The following TRPM3 variants were observed in gnomAD, a reference collection of about 807,000 sequenced individuals.
TRPM3 encodes transient receptor potential cation channel subfamily M member 3.
A neutral mutation model predicts 181.2 loss-of-function variants in TRPM3; 77 were observed. The ratio of observed to expected loss-of-function variants is 0.42; its 90% CI spans 0.35 to 0.51. The LOEUF (loss-of-function observed/expected upper bound fraction) is 0.51. Among genes scored for constraint, TRPM3 ranks in the 20% least tolerant of loss-of-function variants. The pLI is 0.01. For missense variants in TRPM3, 1,759 were observed against 2,196.7 expected (o/e 0.80, Z 3.98); for synonymous variants, 745 against 796.4 (o/e 0.94, Z 1.09).
chr9:71,328,000 G>A (rs113241107), intron 1 of TRPM3, among the ~76,000 whole-genome samples: 2,215 of 151,574 alleles, frequency 0.015, 24 homozygotes, highest in Middle Eastern at 0.062. Context: ...ACTGTTCTCT[G>A]GATATCAAAG....
intron 1 of TRPM3, among the ~76,000 whole-genome samples, chr9:71,410,312 T>C (rs2093521005): frequency 6.6e-6 from 1 of 151,316 alleles, no homozygotes; most frequent in Non-Finnish European, 1.5e-5. Flanking sequence ...AAAAAATCAA[T>C]GAATCCAGGA....
intron 8 of TRPM3, among the ~76,000 whole-genome samples, chr9:70,681,930 T>G (rs1165554857): frequency 6.6e-6 from 1 of 152,174 alleles, no homozygotes; most frequent in Admixed American, 6.5e-5. Context: ...TAGGTGATGA[T>G]TAATAGTCAT....
chr9:71,006,532 A>G (rs1434708701), intron 1 of TRPM3, among the ~76,000 whole-genome samples: 1 of 152,122 alleles, frequency 6.6e-6, no homozygotes, highest in Non-Finnish European at 1.5e-5. Flanking sequence ...ACAAACAAAC[A>G]AGCAAAATCC....
chr9:71,003,894 G>T (rs1024534285), intron 1 of TRPM3, among the ~76,000 whole-genome samples: 14 of 152,178 alleles, frequency 9.2e-5, no homozygotes, highest in South Asian at 2.1e-4. Context: ...TTAGAGGAGT[G>T]GTCATTTTAG....
At chr9:70,908,449 A>G (rs2096496490) in intron 1 of TRPM3, among the ~76,000 whole-genome samples, 2 of 152,254 alleles carry the variant, frequency 1.3e-5, no homozygotes, top group Non-Finnish European at 2.9e-5. Flanking sequence ...AAACATTGTG[A>G]GCTATGAAAG....
rs561828793 is a variant in TRPM3 at position 70,880,560 on chromosome 9, G to A, written c.178-16049C>T. 7.4e-4 allele frequency among the ~76,000 whole-genome samples: 113 copies of A among 152,138 alleles called. 1 individual carries two copies. Among genetic ancestry groups the A allele is most frequent in the African/African-American group, 2.6e-3 (108 of 41,512 alleles). The stretch of plus-strand genomic sequence containing the variant: ...GTCCTAAACAGGTGGATTTTAGTTG[G>A]TATTTGCATGTGTGTATAGTTGTGT... On this transcript the variant is annotated intron_variant, in intron 1 of 25. Transcript: ENST00000677713.
intron 1 of TRPM3, among the ~76,000 whole-genome samples, chr9:70,991,979 G>C (rs2097491022): frequency 6.6e-6 from 1 of 152,162 alleles, no homozygotes; most frequent in South Asian, 2.1e-4. Flanking sequence ...CCCAGCTCCA[G>C]GTAGCCTCCC....
chr9:71,404,333 T>C (rs1420532971), intron 1 of TRPM3, among the ~76,000 whole-genome samples: 5 of 152,230 alleles, frequency 3.3e-5, no homozygotes, highest in African/African-American at 1.2e-4. Flanking sequence ...AGGCAATAAG[T>C]TTGTTTAATA....
chr9:70,758,031 A>C (rs1279446180), intron 8 of TRPM3, among the ~76,000 whole-genome samples: 1 of 152,212 alleles, frequency 6.6e-6, no homozygotes, highest in Non-Finnish European at 1.5e-5. Flanking sequence ...GAAGAGAGGA[A>C]GTCAAATTGT....
At chr9:70,939,708 C>G (rs1354542196) in intron 1 of TRPM3, among the ~76,000 whole-genome samples, 1 of 152,126 alleles carries the variant, frequency 6.6e-6, no homozygotes, top group African/African-American at 2.4e-5. Flanking sequence ...GAATTGAGTG[C>G]TGAATTAGGA....
At chr9:71,301,001 G>A (rs755255738) in intron 1 of TRPM3, among the ~76,000 whole-genome samples, 4 of 152,058 alleles carry the variant, frequency 2.6e-5, no homozygotes, top group East Asian at 1.9e-4. Flanking sequence ...CTATTAAACC[G>A]AGGCTTCATT....
At chr9:70,813,710 A>T (rs2092386980) in intron 6 of TRPM3, among the ~76,000 whole-genome samples, 1 of 152,194 alleles carries the variant, frequency 6.6e-6, no homozygotes, top group Non-Finnish European at 1.5e-5. Flanking sequence ...CTTTGCATAC[A>T]GAGAGGCTGT....
intron 1 of TRPM3, among the ~76,000 whole-genome samples, chr9:70,901,627 T>C (rs1007436058): frequency 2.6e-5 from 4 of 152,132 alleles, no homozygotes; most frequent in East Asian, 1.9e-4. Context: ...GCAAATAAAA[T>C]TTAAGCATTC....
intron 8 of TRPM3, among the ~76,000 whole-genome samples, chr9:70,693,663 C>T (rs569471835): frequency 1.3e-5 from 2 of 152,214 alleles, no homozygotes; most frequent in African/African-American, 4.8e-5. Context: ...AGTTTTCTTG[C>T]CTCCCTACTC....
At position 70,784,222 on chromosome 9, in the gene TRPM3, A is replaced by T; in HGVS notation, c.1031T>A (p.Ile344Asn). The T allele has an allele frequency of 6.2e-7, 1 of 1,613,738 alleles. No individual in the cohort carries two copies. The highest frequency in any genetic ancestry group is 1.1e-5 in the South Asian group (1 of 91,030). The change falls in exon 7 of 26, where the codon ATC becomes AAC. Residue 344 changes from isoleucine to asparagine, a missense_variant. Physicochemically the swap from Ile to Asn is moderately radical, Grantham distance 149. This residue lies in a region of TRPM3 where 737 missense variants were observed against 957.4 expected (regional missense o/e 0.77). Coordinates refer to ENST00000677713, the MANE Select transcript of TRPM3 (RefSeq NM_001366145.2). ...TCGAAGGTACTCCAAAACAATCGAG[A>T]TCACATTGGGTCCTCCTTCCACTAT... is the stretch of plus-strand genomic sequence containing the variant. The part of the protein sequence containing the change: ...ALIVEGGPNV[I>N]SIVLEYLRDT...
At chr9:70,822,396 T>A (rs1036876368) in intron 6 of TRPM3, among the ~76,000 whole-genome samples, 5 of 152,224 alleles carry the variant, frequency 3.3e-5, no homozygotes, top group African/African-American at 1.2e-4. Flanking sequence ...TTATCCTGAA[T>A]GCTCAATTCA....
intron 9 of TRPM3, among the ~76,000 whole-genome samples, chr9:70,665,645 G>C (rs1327435937): frequency 1.3e-5 from 2 of 152,150 alleles, no homozygotes; most frequent in African/African-American, 2.4e-5. Flanking sequence ...TGAGAAACAT[G>C]TTACTAATAT....
intron 9 of TRPM3, among the ~76,000 whole-genome samples, chr9:70,665,789 T>C (rs765320284): frequency 2.0e-5 from 3 of 152,214 alleles, no homozygotes; most frequent in Non-Finnish European, 4.4e-5. Context: ...AGCAGGAGTC[T>C]ATGGAAACCT....
At chr9:71,353,181 C>G (rs1355253197) in intron 1 of TRPM3, among the ~76,000 whole-genome samples, 1 of 152,032 alleles carries the variant, frequency 6.6e-6, no homozygotes, top group Non-Finnish European at 1.5e-5. Context: ...CAATGCACCA[C>G]CCCACCCTCA....
Sources: allele counts gnomAD v4.1 joint callset (sites outside exome capture counted in the v4.1 genomes callset), GRCh38; gene constraint gnomAD v4.1.1; regional missense constraint gnomAD v4.1.1; transcripts MANE v1.5; gene names NCBI Gene and HGNC (gene_info 2026-07-23, HGNC 2026-07-21).